Variants in SUFU observed in about 807,000 individuals in gnomAD.
SUFU encodes the protein suppressor of fused homolog.
Under a neutral mutation model 58.9 loss-of-function variants are expected in SUFU, and 7 were observed. That is an observed-to-expected ratio of 0.12 (90% CI 0.07 to 0.22). SUFU has a LOEUF of 0.22. Among genes scored for constraint, SUFU ranks in the 10% least tolerant of loss-of-function variants. SUFU has a pLI of 1.00. For missense variants in SUFU, 451 were observed against 641.3 expected (o/e 0.70, Z 3.20); for synonymous variants, 232 against 254.8 (o/e 0.91, Z 0.85).
intron 3 of SUFU, among the ~76,000 whole-genome samples, chr10:102,590,158 T>C (rs1446891242): frequency 1.9e-4 from 10 of 52,290 alleles, no homozygotes; most frequent in African/African-American, 3.5e-4. Context: ...TTTTTCTTTT[T>C]TCTTTTTTTT....
chr10:102,556,213 A>C (rs988429918), intron 3 of SUFU, among the ~76,000 whole-genome samples: 6 of 148,946 alleles, frequency 4.0e-5, no homozygotes, highest in African/African-American at 1.5e-4. Context: ...GAGCTGTATG[A>C]GGCAGCCTTG....
At chr10:102,507,482 T>A (rs2062341512) in intron 1 of SUFU, among the ~76,000 whole-genome samples, 1 of 152,234 alleles carries the variant, frequency 6.6e-6, no homozygotes, top group Non-Finnish European at 1.5e-5. Flanking sequence ...CAACCTGTTG[T>A]AGAATTAGTC....
chr10:102,586,630 G>A (rs1266551339), intron 3 of SUFU, among the ~76,000 whole-genome samples: 2 of 152,152 alleles, frequency 1.3e-5, no homozygotes, highest in East Asian at 1.9e-4. Context: ...CCGAGATCAC[G>A]CCACCGCACT....
At chr10:102,526,993 G>GTTTT (rs34862176) in intron 2 of SUFU, among the ~76,000 whole-genome samples, 16 of 102,040 alleles carry the variant, frequency 1.6e-4, no homozygotes, top group East Asian at 5.2e-4. Context: ...TATTATTATT[G>GTTTT]TTTTTTTTTT....
chr10:102,556,688 A>G (rs1447809223), intron 3 of SUFU, among the ~76,000 whole-genome samples: 1 of 128,830 alleles, frequency 7.8e-6, no homozygotes, highest in East Asian at 2.5e-4. Flanking sequence ...GATTGCAGTG[A>G]GCCCAGATCG....
At chr10:102,570,504 G>A (rs532717809) in intron 3 of SUFU, among the ~76,000 whole-genome samples, 1 of 151,860 alleles carries the variant, frequency 6.6e-6, no homozygotes, top group East Asian at 2.0e-4. Context: ...GTCTCCCAAA[G>A]GAGACCATTT....
At chr10:102,525,238 G>A (rs1217243918) in intron 2 of SUFU, among the ~76,000 whole-genome samples, 1 of 151,938 alleles carries the variant, frequency 6.6e-6, no homozygotes, top group Non-Finnish European at 1.5e-5. Context: ...AGCCTCCCAA[G>A]TAGCTGGGAT....
intron 8 of SUFU, among the ~76,000 whole-genome samples, chr10:102,601,151 A>C (rs1469754662): frequency 6.6e-6 from 1 of 152,168 alleles, no homozygotes; most frequent in Non-Finnish European, 1.5e-5. Context: ...TGGGGTTTCT[A>C]GGCAGAAGGG....
intron 3 of SUFU, among the ~76,000 whole-genome samples, chr10:102,556,217 A>T (rs1475007097): frequency 6.7e-6 from 1 of 148,870 alleles, no homozygotes; most frequent in African/African-American, 2.4e-5. Flanking sequence ...TGTATGAGGC[A>T]GCCTTGGAAG....
chr10:102,596,284 A>G (rs1427144243), intron 6 of SUFU, among the ~76,000 whole-genome samples: 3 of 152,208 alleles, frequency 2.0e-5, no homozygotes, highest in Non-Finnish European at 4.4e-5. Context: ...GCTCAGTCAC[A>G]AGCTTGATTT....
At chr10:102,583,947 AG>A (rs1229632779) in intron 3 of SUFU, among the ~76,000 whole-genome samples, 1 of 152,208 alleles carries the variant, frequency 6.6e-6, no homozygotes, top group African/African-American at 2.4e-5. Context: ...GCAGAGCTCC[AG>A]GGAACTGGCC....
At chr10:102,608,077 A>G (rs1282271450) in intron 8 of SUFU, among the ~76,000 whole-genome samples, 2 of 151,654 alleles carry the variant, frequency 1.3e-5, no homozygotes, top group Admixed American at 6.6e-5. Flanking sequence ...TATAAAAATC[A>G]GCCAGGCGTG....
intron 2 of SUFU, among the ~76,000 whole-genome samples, chr10:102,536,456 C>T (rs9988738): frequency 0.31 from 45,425 of 148,344 alleles, 7,208 homozygotes; most frequent in Admixed American, 0.36. Context: ...CTCCGCCTCC[C>T]GGGTTCAAGC....
chr10:102,561,371 G>A (rs1189979253), intron 3 of SUFU, among the ~76,000 whole-genome samples: 1 of 152,036 alleles, frequency 6.6e-6, no homozygotes, highest in Non-Finnish European at 1.5e-5. Flanking sequence ...GGTTGTTTTT[G>A]TTTGTGTGTT....
At chr10:102,510,240 C>T (rs1026924020) in intron 2 of SUFU, among the ~76,000 whole-genome samples, 3 of 152,100 alleles carry the variant, frequency 2.0e-5, no homozygotes, top group African/African-American at 4.8e-5. Flanking sequence ...AACAGAGTCT[C>T]GCTTTGTTGC....
chr10:102,568,952 A>C (rs1389668937), intron 3 of SUFU, among the ~76,000 whole-genome samples: 8 of 102,668 alleles, frequency 7.8e-5, no homozygotes, highest in South Asian at 3.5e-4. Flanking sequence ...ATATATATAT[A>C]TATATATATA....
intron 2 of SUFU, among the ~76,000 whole-genome samples, chr10:102,531,212 G>A (rs987517036): frequency 1.1e-4 from 17 of 152,194 alleles, no homozygotes; most frequent in African/African-American, 4.1e-4. Flanking sequence ...TCACGATCAT[G>A]CCACTGCACT....
chr10:102,578,275 A>G (rs1174573592), intron 3 of SUFU, among the ~76,000 whole-genome samples: 4 of 149,018 alleles, frequency 2.7e-5, no homozygotes, highest in Non-Finnish European at 5.9e-5. Context: ...AAAACAAAAA[A>G]CAAAGAACAA....
intron 2 of SUFU, among the ~76,000 whole-genome samples, chr10:102,526,620 T>G (rs1380917976): frequency 6.6e-6 from 1 of 152,098 alleles, no homozygotes; most frequent in African/African-American, 2.4e-5. Flanking sequence ...AAGTAGTGGT[T>G]GAGGTGGGTG....
Sources: gnomAD v4.1 joint callset for allele counts (sites outside exome capture counted in the v4.1 genomes callset) on GRCh38, gnomAD v4.1.1 for gene constraint, MANE v1.5 for transcripts, NCBI Gene and HGNC (gene_info 2026-07-23, HGNC 2026-07-21) for gene names.